KCNK5: variants seen among roughly 807,000 people sequenced by gnomAD.
KCNK5 encodes potassium two pore domain channel subfamily K member 5, also known as potassium channel subfamily K member 5.
In KCNK5, 18 loss-of-function variants were observed where a neutral mutation model predicts 32.9. The ratio of observed to expected loss-of-function variants is 0.55; its 90% CI spans 0.38 to 0.81. The LOEUF (loss-of-function observed/expected upper bound fraction) is 0.81, where lower values mean the gene tolerates loss of function less well. Among genes scored for constraint, KCNK5 ranks in the 30% least tolerant of loss-of-function variants. KCNK5 has a pLI of 0.00. For synonymous variants in KCNK5, 276 were observed against 275.3 expected (o/e 1.00, Z -0.03); for missense variants, 507 against 651.0 (o/e 0.78, Z 2.41).
At chr6:39,202,959 T>A (rs1771157523) in intron 1 of KCNK5, among the ~76,000 whole-genome samples, 1 of 152,062 alleles carries the variant, frequency 6.6e-6, no homozygotes, top group East Asian at 1.9e-4. Context: ...TCTGCACACA[T>A]GAAAAGAACC....
At chr6:39,227,907 T>G (rs1771703172) in intron 1 of KCNK5, among the ~76,000 whole-genome samples, 1 of 152,140 alleles carries the variant, frequency 6.6e-6, no homozygotes. Flanking sequence ...GGTAACACCC[T>G]GGACAATCTA....
intron 1 of KCNK5, among the ~76,000 whole-genome samples, chr6:39,199,636 G>A (rs1021716427): frequency 6.6e-6 from 1 of 152,162 alleles, no homozygotes; most frequent in Non-Finnish European, 1.5e-5. Context: ...AGACTGTCTG[G>A]TTTCAAGTCT....
At chr6:39,203,958 C>T (rs1418452141) in intron 1 of KCNK5, among the ~76,000 whole-genome samples, 7 of 152,184 alleles carry the variant, frequency 4.6e-5, no homozygotes, top group African/African-American at 1.2e-4. Context: ...GGGTGTGGCT[C>T]GGAGGGCAGC....
chr6:39,228,906 G>T lies in KCNK5; in HGVS notation c.186+20C>A. 6.2e-7 allele frequency: 1 copy of T among 1,613,250 alleles called. No homozygotes were observed. ...TCAAGCCAGCTTCAGATGTATATGG[G>T]GGTACAGGCGGCGACTGACCTCTAG... On this transcript the variant is annotated intron_variant, in intron 1 of 4. Coordinates refer to ENST00000359534, the MANE Select transcript of KCNK5 (RefSeq NM_003740.4).
At chr6:39,224,636 G>A (rs539012273) in intron 1 of KCNK5, among the ~76,000 whole-genome samples, 1 of 152,308 alleles carries the variant, frequency 6.6e-6, no homozygotes, top group South Asian at 2.1e-4. Context: ...GCTTAGGAAG[G>A]AAGGAGGCCA....
rs1770921220 is a variant in KCNK5 at position 39,191,191 on chromosome 6, T to A, written c.1199A>T (p.Glu400Val). The A allele has an allele frequency of 1.9e-6, 3 of 1,614,086 alleles. No individual in the cohort carries two copies. Among genetic ancestry groups the A allele is most frequent in the African/African-American group, 2.7e-5 (2 of 74,946 alleles). The change falls in exon 5 of 5, where the codon GAG (glutamate) becomes GTG (valine). Residue 400 changes from glutamate (E) to valine (V), a missense_variant. By Grantham distance (121) the Glu-to-Val change is moderately radical (BLOSUM62 -2). Transcript: ENST00000359534. This position sits in a 1 kb window ranked among gnomAD's most constrained non-coding sequence, Gnocchi z 5.8. The stretch of plus-strand genomic sequence containing the variant: ...CTGGGCGTCCCATGGCTCGCATTCC[T>A]CGCTGATGCGGTCCAGCTGGTTCAT... ...VFMNQLDRISEECEPWDAQDY... is the reference protein window; with the variant it reads ...VFMNQLDRISVECEPWDAQDY...
Position 39,229,068 on chromosome 6 carries a change from TAGA to T in KCNK5, c.41_43del (p.Phe14del). 6.2e-7 allele frequency: 1 copy of T among 1,614,054 alleles called. No homozygotes were observed. The highest frequency in any genetic ancestry group is 8.5e-7 in the Non-Finnish European group (1 of 1,179,976). ...GAAGATCGCCGCCCCGATGGCCAGG[TAGA>T]AGATGATGGCCGAGGTGAGCAGAGG... is the stretch of plus-strand genomic sequence containing the variant. On this transcript the variant is annotated inframe_deletion, in exon 1 of 5. Transcript: ENST00000359534.
chr6:39,201,066 G>A (rs558052783), intron 1 of KCNK5, among the ~76,000 whole-genome samples: 5 of 152,290 alleles, frequency 3.3e-5, no homozygotes, highest in Admixed American at 2.0e-4. Context: ...CTCCACAGCC[G>A]CCATCACTTT....
At chr6:39,218,017 TAGA>T (rs779808132) in intron 1 of KCNK5, among the ~76,000 whole-genome samples, 3 of 151,146 alleles carry the variant, frequency 2.0e-5, no homozygotes, top group Non-Finnish European at 4.4e-5. Context: ...TTAGTGTAAG[TAGA>T]AGGAGTCTGC....
At position 39,194,158 on chromosome 6, in the gene KCNK5, C is replaced by A; in HGVS notation, c.634+11G>T. On this transcript the variant is annotated intron_variant, in intron 4 of 4. Transcript: ENST00000359534. The surrounding 1 kb of genome is among the most constrained non-coding windows in gnomAD (Gnocchi z 4.7). Reference sequence around the variant, plus strand: ...CAGAAAAAGAGGTGGGAGGCAGAGGCAGGGACTCACCGGCCACAAAGTCAC... The same window carrying A: ...CAGAAAAAGAGGTGGGAGGCAGAGGAAGGGACTCACCGGCCACAAAGTCAC... 6.2e-7 allele frequency: 1 copy of A among 1,614,006 alleles called. No homozygotes were observed. Among genetic ancestry groups the A allele is most frequent in the East Asian group, 2.2e-5 (1 of 44,868 alleles).
intron 1 of KCNK5, among the ~76,000 whole-genome samples, chr6:39,215,241 G>C (rs747861195): frequency 9.9e-5 from 15 of 152,114 alleles, no homozygotes; most frequent in Non-Finnish European, 1.9e-4. Context: ...GGGGGGTGCT[G>C]ACAAGACACT....
At chr6:39,228,203 TC>T (rs1771707268) in intron 1 of KCNK5, among the ~76,000 whole-genome samples, 1 of 151,742 alleles carries the variant, frequency 6.6e-6, no homozygotes, top group Non-Finnish European at 1.5e-5. Context: ...CACACTCTCC[TC>T]CCCCATCATA....
intron 1 of KCNK5, among the ~76,000 whole-genome samples, chr6:39,198,110 C>T (rs1345850202): frequency 6.6e-6 from 1 of 152,218 alleles, no homozygotes; most frequent in Non-Finnish European, 1.5e-5. Flanking sequence ...AGTGCATCTC[C>T]TTTTCAAAGG....
At position 39,220,826 on chromosome 6, in the gene KCNK5, G is replaced by A. The variant is rs553221643; in HGVS notation, c.186+8100C>T. The stretch of plus-strand genomic sequence containing the variant: ...ATACGTAGCCAGTCACCTGTTACAT[G>A]TGCCAAACACACTAACATGTTAACA... On this transcript the variant is annotated intron_variant, in intron 1 of 4. Coordinates refer to ENST00000359534, the MANE Select transcript of KCNK5 (RefSeq NM_003740.4). Among the ~76,000 whole-genome samples, 8 of 152,270 alleles carry A rather than the reference G, an allele frequency of 5.3e-5. No homozygotes were observed. The East Asian group carries it at 7.7e-4, about 15-fold the overall frequency.
chr6:39,217,311 G>C (rs1393535865), intron 1 of KCNK5, among the ~76,000 whole-genome samples: 2 of 151,968 alleles, frequency 1.3e-5, no homozygotes, highest in Non-Finnish European at 2.9e-5. Flanking sequence ...AAATCACTCA[G>C]GGCCACAGCC....
At chr6:39,223,107 A>G (rs1771584176) in intron 1 of KCNK5, among the ~76,000 whole-genome samples, 1 of 152,226 alleles carries the variant, frequency 6.6e-6, no homozygotes, top group African/African-American at 2.4e-5. Context: ...TGTAATACCA[A>G]TTAGATTCCC....
intron 1 of KCNK5, among the ~76,000 whole-genome samples, chr6:39,213,975 G>C (rs1329311136): frequency 6.6e-6 from 1 of 151,860 alleles, no homozygotes; most frequent in African/African-American, 2.4e-5. Context: ...GCAGTGAGCC[G>C]AGATCGCACC....
intron 1 of KCNK5, among the ~76,000 whole-genome samples, chr6:39,210,098 G>A (rs72851837): frequency 2.0e-5 from 3 of 152,140 alleles, no homozygotes; most frequent in Non-Finnish European, 4.4e-5. Context: ...AGTCAGGCAG[G>A]GGAGCAGGCC....
chr6:39,201,061 C>A (rs1162744019), intron 1 of KCNK5, among the ~76,000 whole-genome samples: 1 of 152,214 alleles, frequency 6.6e-6, no homozygotes, highest in Admixed American at 6.5e-5. Context: ...TCCAGCTCCA[C>A]AGCCGCCATC....
Sources: gnomAD v4.1 joint callset for allele counts (sites outside exome capture counted in the v4.1 genomes callset) on GRCh38, gnomAD v4.1.1 for gene constraint, Gnocchi (gnomAD v3.1) non-coding constraint, MANE v1.5 for transcripts, NCBI Gene and HGNC (gene_info 2026-07-23, HGNC 2026-07-21) for gene names.